Variants in TNR observed in about 807,000 individuals in gnomAD.
The protein encoded by TNR is tenascin R, also known as tenascin-R.
TNR carries 45 observed loss-of-function variants against 150.4 expected under a neutral mutation model. That is an observed-to-expected ratio of 0.30 (90% CI 0.24 to 0.38). The LOEUF (loss-of-function observed/expected upper bound fraction) is 0.38. TNR is among the 10% of genes least tolerant of loss of function. The pLI, the probability that TNR is intolerant of heterozygous loss-of-function variation, is 1.00. For missense variants in TNR, 1,544 were observed against 1,759.1 expected, an observed-to-expected ratio of 0.88 and a Z score of 2.19; for synonymous variants, 687 against 678.4, an observed-to-expected ratio of 1.01 and a Z score of -0.20.
At chr1:175,624,903 A>G (rs1357556425) in intron 1 of TNR, among the ~76,000 whole-genome samples, 1 of 152,128 alleles carries the variant, frequency 6.6e-6, no homozygotes, top group African/African-American at 2.4e-5. Context: ...CCCCTTCTTC[A>G]GTACTAAGGG....
chr1:175,427,562 T>C lies in TNR; in HGVS notation c.-63-20785A>G, dbSNP rs180992968. ...TGTTGGGCAGGGTAGCTTTAGAGGCTAGTTCATGAAGAAGAACCAAGTGTT... is the reference window on the plus strand; with the variant it reads ...TGTTGGGCAGGGTAGCTTTAGAGGCCAGTTCATGAAGAAGAACCAAGTGTT... On this transcript the variant is annotated intron_variant, in intron 2 of 22. Transcript: ENST00000367674. Among the ~76,000 whole-genome samples the C allele has an allele frequency of 3.7e-3, 564 of 152,320 alleles. 1 individual carries two copies. The highest frequency in any genetic ancestry group is 6.2e-3 in the Non-Finnish European group (422 of 68,020).
At chr1:175,447,121 G>A (rs1281856468) in intron 2 of TNR, among the ~76,000 whole-genome samples, 3 of 152,076 alleles carry the variant, frequency 2.0e-5, no homozygotes, top group South Asian at 2.1e-4. Flanking sequence ...CACTGCCCCC[G>A]GGACACAAGC....
At chr1:175,723,587 T>C (rs1201025964) in intron 1 of TNR, among the ~76,000 whole-genome samples, 1 of 152,234 alleles carries the variant, frequency 6.6e-6, no homozygotes, top group Non-Finnish European at 1.5e-5. Context: ...GATAAATTTA[T>C]TTTGCTAGAC....
chr1:175,377,518 C>T (rs859419), intron 9 of TNR, among the ~76,000 whole-genome samples: 1,956 of 146,170 alleles, frequency 0.013, 57 homozygotes, highest in African/African-American at 0.047. Context: ...TAGCTCTCTG[C>T]GAGGCCCTAT....
At chr1:175,353,330 G>A (rs1242491966) in intron 18 of TNR, among the ~76,000 whole-genome samples, 1 of 152,194 alleles carries the variant, frequency 6.6e-6, no homozygotes, top group Admixed American at 6.5e-5. Context: ...GCTGTTGTGA[G>A]GATTACATTA....
intron 18 of TNR, 92 bp downstream of exon 18, chr1:175,354,299 A>T: frequency 6.6e-7 from 1 of 1,505,302 alleles, no homozygotes; most frequent in Non-Finnish European, 8.9e-7. Flanking sequence ...TTTTTGATAA[A>T]CTGCTCCCAG....
chr1:175,360,531 A>C (rs1191059909), intron 14 of TNR, among the ~76,000 whole-genome samples: 1 of 152,230 alleles, frequency 6.6e-6, no homozygotes, highest in African/African-American at 2.4e-5. Flanking sequence ...CTCTTCCATC[A>C]GGTTATAATT....
In TNR at chr1:175,393,768, G is replaced by A. The variant is rs1238685710; in HGVS notation, c.1356+12C>T. 6 of 1,589,212 alleles carry A rather than the reference G, an allele frequency of 3.8e-6. No individual in the cohort carries two copies. The highest frequency in any genetic ancestry group is 1.3e-5 in the African/African-American group (1 of 74,460). ...AATAAGTCTGTTTGGCAGTGTAACA[G>A]GTGAGTGTTACCTTTGGAATGAAGC... is the stretch of plus-strand genomic sequence containing the variant. On this transcript the variant is annotated intron_variant, in intron 6 of 22. Transcript: ENST00000367674.
At chr1:175,370,338 CTTTTTTTTTTTT>C (rs55795922) in intron 9 of TNR, among the ~76,000 whole-genome samples, 16 of 42,972 alleles carry the variant, frequency 3.7e-4, no homozygotes, top group Admixed American at 8.7e-4. Flanking sequence ...ATTTTGAGTA[CTTTTTTTTTTTT>C]TTTTTTTTTT....
At chr1:175,435,368 A>T (rs1655456012) in intron 2 of TNR, among the ~76,000 whole-genome samples, 1 of 152,204 alleles carries the variant, frequency 6.6e-6, no homozygotes, top group South Asian at 2.1e-4. Context: ...ATAGTGCCAG[A>T]TATTTTGGTC....
At chr1:175,374,875 C>A (rs1652301136) in intron 9 of TNR, among the ~76,000 whole-genome samples, 1 of 152,222 alleles carries the variant, frequency 6.6e-6, no homozygotes, top group Admixed American at 6.5e-5. Flanking sequence ...GTTTCCTGGT[C>A]ATGAGAATCC....
At chr1:175,729,874 G>A (rs537323407) in intron 1 of TNR, among the ~76,000 whole-genome samples, 11 of 152,188 alleles carry the variant, frequency 7.2e-5, no homozygotes, top group African/African-American at 2.7e-4. Context: ...CATCACTCTC[G>A]GACTTGGAGA....
At position 175,331,137 on chromosome 1, in the gene TNR, T is replaced by C. The variant is rs59031052; in HGVS notation, c.3632-902A>G. On this transcript the variant is annotated intron_variant, in intron 20 of 22. Transcript: ENST00000367674. ...TCTTTTCTTTCTTTCTTTCTTTTCTTTCTTTCTTCCTTTCTTTCTTTTTCT... is the reference window on the plus strand; with the variant it reads ...TCTTTTCTTTCTTTCTTTCTTTTCTCTCTTTCTTCCTTTCTTTCTTTTTCT... 4.0e-4 allele frequency among the ~76,000 whole-genome samples: 60 copies of C among 149,226 alleles called. 2 individuals are homozygous for C. The highest frequency in any genetic ancestry group is 8.6e-4 in the South Asian group (4 of 4,674).
chr1:175,645,266 AAAC>A (rs1361925633), intron 1 of TNR, among the ~76,000 whole-genome samples: 1 of 152,230 alleles, frequency 6.6e-6, no homozygotes, highest in African/African-American at 2.4e-5. Flanking sequence ...ATTAAAATAA[AAAC>A]AACAGGATGA....
rs545016701 is a variant in TNR, at chr1:175,367,338, G to A, written c.1964-41C>T. ...GAAACAAACATTATTCTGTGTATGG[G>A]GCAGGGCTAGGAAGGCTGAAAGTGG... is the stretch of plus-strand genomic sequence containing the variant. On this transcript the variant is annotated intron_variant, in intron 9 of 22. Coordinates refer to ENST00000367674, the MANE Select transcript of TNR (RefSeq NM_003285.3). 14 of 1,560,496 alleles carry A rather than the reference G, an allele frequency of 9.0e-6. No individual in the cohort carries two copies. The Admixed American group carries it at 2.0e-4, about 22-fold the overall frequency.
chr1:175,635,379 G>A (rs1472631517), intron 1 of TNR, among the ~76,000 whole-genome samples: 1 of 152,236 alleles, frequency 6.6e-6, no homozygotes, highest in Non-Finnish European at 1.5e-5. Context: ...AAATTCTCCA[G>A]TTGGGATTTG....
intron 1 of TNR, among the ~76,000 whole-genome samples, chr1:175,664,039 G>T (rs1368612866): frequency 1.3e-5 from 2 of 152,242 alleles, no homozygotes; most frequent in Admixed American, 6.5e-5. Flanking sequence ...ACAGAGTCTG[G>T]ACCTCACTGC....
At chr1:175,597,646 G>A (rs1263974209) in intron 1 of TNR, among the ~76,000 whole-genome samples, 3 of 152,154 alleles carry the variant, frequency 2.0e-5, no homozygotes, top group Non-Finnish European at 4.4e-5. Flanking sequence ...GGAGGAAGAG[G>A]CCTATTGGTT....
intron 1 of TNR, among the ~76,000 whole-genome samples, chr1:175,708,018 T>TTGTGTGTGTGTG (rs10676470): frequency 1.9e-4 from 27 of 144,748 alleles, no homozygotes; most frequent in African/African-American, 2.8e-4. Context: ...ATGTGTGTGT[T>TTGTGTGTGTGTG]TGTGTGTGTG....
Sources: gnomAD v4.1 joint callset for allele counts (sites outside exome capture counted in the v4.1 genomes callset) on GRCh38, gnomAD v4.1.1 for gene constraint, MANE v1.5 for transcripts, NCBI Gene and HGNC (gene_info 2026-07-23, HGNC 2026-07-21) for gene names.